Variants in HEATR4 observed in about 807,000 individuals in gnomAD.
The protein encoded by HEATR4 is HEAT repeat-containing protein 4.
In HEATR4, 95 loss-of-function variants were observed where a neutral mutation model predicts 108.8. The ratio of observed to expected loss-of-function variants is 0.87; its 90% CI spans 0.74 to 1.04. The LOEUF (loss-of-function observed/expected upper bound fraction) is 1.04, where lower values mean the gene tolerates loss of function less well. Among genes scored for constraint, HEATR4 ranks in the 50% least tolerant of loss-of-function variants. HEATR4 has a pLI of 0.00. For missense variants in HEATR4, 1,152 were observed against 1,253.8 expected (o/e 0.92, Z 1.23); for synonymous variants, 443 against 459.4 (o/e 0.96, Z 0.46).
At chr14:73,590,053 C>A in the HEATR4 span, among the ~76,000 whole-genome samples, 3 of 152,128 alleles carry the variant, frequency 2.0e-5, no homozygotes, top group African/African-American at 7.2e-5. Context: ...ACCTTTATTA[C>A]AAAACTAAAT....
At chr14:73,617,792 T>C in the HEATR4 span, among the ~76,000 whole-genome samples, 5 of 152,192 alleles carry the variant, frequency 3.3e-5, no homozygotes, top group Non-Finnish European at 5.9e-5. Flanking sequence ...TTGGGTATGA[T>C]AATGGTATTA....
the HEATR4 span, among the ~76,000 whole-genome samples, chr14:73,624,794 C>T: frequency 2.5e-3 from 375 of 152,138 alleles, 1 homozygote; most frequent in African/African-American, 8.8e-3. Flanking sequence ...ATGAAATGGG[C>T]GTAATAATAG....
Position 73,492,500 on chromosome 14 carries a change from G to C in HEATR4, c.2844+566C>G. ...CCGCCTGGGACACTTTGCTCCTGTT[G>C]ATGCTGTGGCCGACCAGCGAGCCAA... On this transcript the variant is annotated intron_variant, in intron 17 of 17. Transcript: ENST00000553558. The surrounding 1 kb of genome is among the most constrained non-coding windows in gnomAD (Gnocchi z 4.9). The C allele has an allele frequency of 1.2e-6, 2 of 1,613,716 alleles. No homozygotes were observed. The highest frequency in any genetic ancestry group is 1.7e-6 in the Non-Finnish European group (2 of 1,179,750).
chr14:73,492,058 C>T lies in HEATR4; in HGVS notation c.2844+1008G>A, dbSNP rs2140249889. The T allele has an allele frequency of 6.2e-7, 1 of 1,613,996 alleles. No individual in the cohort carries two copies. Among genetic ancestry groups the T allele is most frequent in the Non-Finnish European group, 8.5e-7 (1 of 1,179,890 alleles). ...CCCACTACGACGACATCGAGGCCTT[C>T]GTGCTGCAGCTGGAAGGTAGGAAAC... On this transcript the variant is annotated intron_variant, in intron 17 of 17. Coordinates refer to ENST00000553558, the MANE Select transcript of HEATR4 (RefSeq NM_001220484.1). The surrounding 1 kb of genome is among the most constrained non-coding windows in gnomAD (Gnocchi z 4.9).
At chr14:73,574,319 CA>C in the HEATR4 span, 1 of 149,140 alleles carries the variant, frequency 6.7e-6, no homozygotes, top group African/African-American at 2.7e-5. Context: ...GGCTGGAGTG[CA>C]ATGGCATGAT....
At chr14:73,570,840 G>A in the HEATR4 span, among the ~76,000 whole-genome samples, 1 of 150,710 alleles carries the variant, frequency 6.6e-6, no homozygotes, top group Non-Finnish European at 1.5e-5. Context: ...GGGAGGCAGA[G>A]GTTGCAGTGA....
At chr14:73,616,752 G>A in the HEATR4 span, 175,789 of 346,708 alleles carry the variant, frequency 0.51, 47,270 homozygotes, top group East Asian at 0.88. Context: ...GGGGTTACAC[G>A]GATGAACTGT....
the HEATR4 span, among the ~76,000 whole-genome samples, chr14:73,577,981 G>C: frequency 1.3e-5 from 2 of 151,792 alleles, no homozygotes; most frequent in Non-Finnish European, 2.9e-5. Flanking sequence ...CTCCCAAGTA[G>C]CTGGGAATAC....
At chr14:73,573,932 G>T in the HEATR4 span, among the ~76,000 whole-genome samples, 8 of 152,072 alleles carry the variant, frequency 5.3e-5, no homozygotes, top group African/African-American at 1.4e-4. Flanking sequence ...TCACAATATT[G>T]GTCAGGCTGG....
At chr14:73,565,825 T>C in the HEATR4 span, among the ~76,000 whole-genome samples, 10 of 152,000 alleles carry the variant, frequency 6.6e-5, no homozygotes, top group Non-Finnish European at 1.3e-4. Flanking sequence ...GTAAGATTTA[T>C]TGCAAAGAAC....
chr14:73,492,495 C>T lies in HEATR4; in HGVS notation c.2844+571G>A, dbSNP rs1566820950. 6.2e-7 allele frequency: 1 copy of T among 1,613,522 alleles called. No individual in the cohort carries two copies. The highest frequency in any genetic ancestry group is 8.5e-7 in the Non-Finnish European group (1 of 1,179,756). On this transcript the variant is annotated intron_variant, in intron 17 of 17. Transcript: ENST00000553558. The surrounding 1 kb of genome is among the most constrained non-coding windows in gnomAD (Gnocchi z 4.9). The stretch of plus-strand genomic sequence containing the variant: ...GTTGCCCGCCTGGGACACTTTGCTC[C>T]TGTTGATGCTGTGGCCGACCAGCGA...
At position 73,535,462 on chromosome 14, in the gene HEATR4, CTTCTTTCTTT is replaced by C. The variant is rs1490831696; in HGVS notation, c.-151-5228_-151-5219del. ...CCCTCTCCCTTTTTCTTTTCTTTTT[CTTCTTTCTTT>C]TTTTTTTTTTTTTTTTTTTTTTTTT... On this transcript the variant is annotated intron_variant, in intron 1 of 17. Coordinates refer to ENST00000553558, the MANE Select transcript of HEATR4 (RefSeq NM_001220484.1). Among the ~76,000 whole-genome samples the C allele has an allele frequency of 9.9e-4, 59 of 59,328 alleles. 8 individuals are homozygous for C. The highest frequency in any genetic ancestry group is 2.3e-3 in the African/African-American group (54 of 23,332). The allele number at this position is 59,328 out of a possible 152,430, so 38.9% of individuals were successfully genotyped here. A position where few individuals can be genotyped will look rare whatever the true frequency, so the allele number is the denominator to read the frequency against.
In HEATR4 at chr14:73,547,985, G is replaced by T. The variant is rs1356167240; in HGVS notation, c.-152+10766C>A. 8.7e-5 allele frequency among the ~76,000 whole-genome samples: 10 copies of T among 114,940 alleles called. 3 individuals carry two copies. Among genetic ancestry groups the T allele is most frequent in the Non-Finnish European group, 1.3e-4 (7 of 52,518 alleles). The allele number at this position is 114,940 out of a possible 152,430, so 75.4% of individuals were successfully genotyped here. A position where few individuals can be genotyped will look rare whatever the true frequency, so the allele number is the denominator to read the frequency against. On this transcript the variant is annotated intron_variant, in intron 1 of 17. Coordinates refer to ENST00000553558, the MANE Select transcript of HEATR4 (RefSeq NM_001220484.1). The stretch of plus-strand genomic sequence containing the variant: ...GGCTCTGGCCAGGCTGGAGTGCAGT[G>T]GTGCCATCATAGCTCATTGTAGCCT...
At chr14:73,625,593 T>C in the HEATR4 span, among the ~76,000 whole-genome samples, 1 of 150,800 alleles carries the variant, frequency 6.6e-6, no homozygotes, top group Non-Finnish European at 1.5e-5. Context: ...ACTCCTGACC[T>C]TAGGTGATCC....
intron 17 of HEATR4, chr14:73,491,847 C>A: frequency 6.2e-7 from 1 of 1,609,552 alleles, no homozygotes; most frequent in East Asian, 2.2e-5. Context: ...ACCCTGAACC[C>A]ACCCGGCCGC....
the HEATR4 span, chr14:73,593,773 C>G: frequency 6.2e-7 from 1 of 1,613,992 alleles, no homozygotes; most frequent in Non-Finnish European, 8.5e-7. Flanking sequence ...TCGAGCCAGC[C>G]TCCTTGCTGG....
chr14:73,534,380 A>G (rs1311198004), intron 1 of HEATR4, among the ~76,000 whole-genome samples: 1 of 97,876 alleles, frequency 1.0e-5, no homozygotes, highest in Non-Finnish European at 2.2e-5. Context: ...CTCTGTCTTG[A>G]AAAAAAAAAA....
the HEATR4 span, among the ~76,000 whole-genome samples, chr14:73,621,761 C>CTTTTTTTTTTTTT: frequency 1.8e-3 from 200 of 109,420 alleles, no homozygotes; most frequent in Non-Finnish European, 2.2e-3. Context: ...TTCTTTCTTT[C>CTTTTTTTTTTTTT]TTTTTTTTTT....
rs762131102 is a variant in HEATR4, at chr14:73,519,139, A to G, written c.1094T>C (p.Ile365Thr). 13 of 1,613,032 alleles carry G rather than the reference A, an allele frequency of 8.1e-6. No individual in the cohort carries two copies. The highest frequency in any genetic ancestry group is 1.7e-5 in the Admixed American group (1 of 59,908). Residue 365 changes from isoleucine (I) to threonine (T), a missense_variant, in exon 5 of 18, where the codon ATT becomes ACT. By Grantham distance (89) the Ile-to-Thr change is moderately conservative. Transcript: ENST00000553558. ...YFDEVQIIHQ[I>T]GAKRDQIVLE... The stretch of plus-strand genomic sequence containing the variant: ...GACAATCTGGTCTCTCTTTGCACCA[A>G]TCTGGTGGATGATCTGGACTTCATC...
Sources: gnomAD v4.1 joint callset for allele counts (sites outside exome capture counted in the v4.1 genomes callset) on GRCh38, gnomAD v4.1.1 for gene constraint, Gnocchi (gnomAD v3.1) non-coding constraint, MANE v1.5 for transcripts, NCBI Gene and HGNC (gene_info 2026-07-23, HGNC 2026-07-21) for gene names.